JARID2: variants seen among roughly 807,000 people sequenced by gnomAD.
The protein encoded by JARID2 is jumonji and AT-rich interaction domain containing 2.
JARID2 carries 21 observed loss-of-function variants against 125.6 expected under a neutral mutation model. The ratio of observed to expected loss-of-function variants is 0.17; its 90% CI spans 0.12 to 0.24. The LOEUF is 0.24. JARID2 is among the 10% of genes least tolerant of loss of function. The probability of loss-of-function intolerance (pLI) is 1.00; values close to 1 mark genes in which losing one functional copy is unlikely to be tolerated. For synonymous variants in JARID2, 736 were observed against 661.6 expected (o/e 1.11, Z -1.73); for missense variants, 1,303 against 1,639.6 (o/e 0.79, Z 3.55).
intron 1 of JARID2, among the ~76,000 whole-genome samples, chr6:15,369,738 G>A (rs1224075928): frequency 2.6e-5 from 4 of 152,236 alleles, no homozygotes; most frequent in Non-Finnish European, 1.5e-5. Context: ...AGGAGAAAGA[G>A]TCTGAACAGA....
chr6:15,302,536 G>C (rs1003516503), intron 1 of JARID2, among the ~76,000 whole-genome samples: 2 of 152,102 alleles, frequency 1.3e-5, no homozygotes, highest in Non-Finnish European at 2.9e-5. Flanking sequence ...ATTGATTGTG[G>C]TCACTGTACT....
At chr6:15,405,349 T>C (rs1477166455) in intron 2 of JARID2, among the ~76,000 whole-genome samples, 2 of 152,216 alleles carry the variant, frequency 1.3e-5, no homozygotes, top group African/African-American at 4.8e-5. Flanking sequence ...GTTCAATTTC[T>C]TTAGAGTTCT....
chr6:15,305,689 G>C (rs1761795328), intron 1 of JARID2, among the ~76,000 whole-genome samples: 1 of 152,240 alleles, frequency 6.6e-6, no homozygotes, highest in African/African-American at 2.4e-5. Flanking sequence ...AAAATAAATG[G>C]AGTTCAAGGG....
At chr6:15,409,173 C>G (rs1335196140) in intron 2 of JARID2, among the ~76,000 whole-genome samples, 1 of 152,096 alleles carries the variant, frequency 6.6e-6, no homozygotes, top group Non-Finnish European at 1.5e-5. Context: ...GTACAACTAA[C>G]AGAAGTCACT....
At chr6:15,275,673 G>C (rs1760477815) in intron 1 of JARID2, among the ~76,000 whole-genome samples, 1 of 151,918 alleles carries the variant, frequency 6.6e-6, no homozygotes, top group Non-Finnish European at 1.5e-5. Context: ...ATTAAATAGT[G>C]AATTTAACAG....
At chr6:15,399,351 T>C (rs969678522) in intron 2 of JARID2, among the ~76,000 whole-genome samples, 3 of 152,260 alleles carry the variant, frequency 2.0e-5, no homozygotes, top group African/African-American at 7.2e-5. Context: ...GAGACAAACT[T>C]GTTTTTAGCC....
At chr6:15,271,013 G>A (rs1239548767) in intron 1 of JARID2, among the ~76,000 whole-genome samples, 1 of 152,064 alleles carries the variant, frequency 6.6e-6, no homozygotes, top group Non-Finnish European at 1.5e-5. Context: ...TCCCACAGTT[G>A]TTTTCCTTAG....
intron 1 of JARID2, among the ~76,000 whole-genome samples, chr6:15,260,764 A>G (rs947760597): frequency 2.6e-5 from 4 of 152,220 alleles, no homozygotes; most frequent in African/African-American, 9.6e-5. Context: ...GTAAGCTGGA[A>G]AGCATTGGGA....
chr6:15,272,219 G>A lies in JARID2; in HGVS notation c.45+25635G>A, dbSNP rs528210562. On this transcript the variant is annotated intron_variant, in intron 1 of 17. Coordinates refer to ENST00000341776, the MANE Select transcript of JARID2 (RefSeq NM_004973.4). ...GCTTGAAAATGCATCTTTTGGCCCC[G>A]TGGCCCTCTATGTTGTCCTTTCTGA... Among the ~76,000 whole-genome samples the A allele has an allele frequency of 7.9e-5, 12 of 152,336 alleles. No homozygotes were observed. The South Asian group carries it at 1.0e-3, about 13-fold the overall frequency.
rs1394387722 is a variant in JARID2 at position 15,501,258 on chromosome 6, C to A, written c.2297C>A (p.Pro766His). 1.9e-6 allele frequency: 3 copies of A among 1,613,704 alleles called. No individual in the cohort carries two copies. The highest frequency in any genetic ancestry group is 1.7e-4 in the Middle Eastern group (1 of 6,060). ...AATGGGCTCATCCACGGCGTGGCCC[C>A]CAGGAACGGCTTCCGCAGCAAGCTC... ...PKNGLIHGVA[P>H]RNGFRSKLKE... is the part of the protein sequence containing the mutation. The change falls in exon 8 of 18, where the codon CCC becomes CAC. Residue 766 changes from proline (P) to histidine (H), a missense_variant. Physicochemically the swap from Pro to His is moderately conservative, Grantham distance 77 (BLOSUM62 -2). Transcript: ENST00000341776.
intron 3 of JARID2, among the ~76,000 whole-genome samples, chr6:15,429,783 C>T (rs1294502856): frequency 2.0e-5 from 3 of 151,994 alleles, no homozygotes; most frequent in African/African-American, 4.8e-5. Flanking sequence ...TGTCTCCGGC[C>T]CTGCGAGAGA....
At chr6:15,448,005 A>T (rs1767748977) in intron 3 of JARID2, among the ~76,000 whole-genome samples, 1 of 152,162 alleles carries the variant, frequency 6.6e-6, no homozygotes. Flanking sequence ...GTGCCATTCA[A>T]GCTCTTTGGT....
intron 3 of JARID2, among the ~76,000 whole-genome samples, chr6:15,432,053 G>C (rs1766986804): frequency 6.6e-6 from 1 of 151,942 alleles, no homozygotes; most frequent in Non-Finnish European, 1.5e-5. Context: ...AGGGTGTCCA[G>C]GTTCTTGGCG....
At chr6:15,351,975 A>T (rs1260080581) in intron 1 of JARID2, among the ~76,000 whole-genome samples, 1 of 152,160 alleles carries the variant, frequency 6.6e-6, no homozygotes. Context: ...TATCCTTTTA[A>T]AAAAGGATAA....
chr6:15,273,714 A>G (rs1442510283), intron 1 of JARID2, among the ~76,000 whole-genome samples: 1 of 152,280 alleles, frequency 6.6e-6, no homozygotes, highest in South Asian at 2.1e-4. Flanking sequence ...AAAACAAACA[A>G]ACAAGCAAAC....
chr6:15,315,961 A>T (rs1029335718), intron 1 of JARID2, among the ~76,000 whole-genome samples: 1 of 152,118 alleles, frequency 6.6e-6, no homozygotes, highest in African/African-American at 2.4e-5. Flanking sequence ...GACTGAGGGC[A>T]TAAGCTGGAA....
intron 13 of JARID2, 122 bp downstream of exon 13, chr6:15,511,523 T>C (rs1771278567): frequency 1.4e-6 from 1 of 692,990 alleles, no homozygotes; most frequent in South Asian, 1.6e-5. Context: ...ATCCCCAGGG[T>C]GCAAAGGGAA....
At chr6:15,466,993 C>T (rs1366413458) in intron 4 of JARID2, among the ~76,000 whole-genome samples, 1 of 152,220 alleles carries the variant, frequency 6.6e-6, no homozygotes, top group Non-Finnish European at 1.5e-5. Context: ...CTTCTGTCTA[C>T]AGAGGGTCTT....
intron 3 of JARID2, among the ~76,000 whole-genome samples, chr6:15,429,392 A>C (rs1766876434): frequency 1.3e-5 from 2 of 151,750 alleles, no homozygotes; most frequent in Admixed American, 6.6e-5. Context: ...CAGCCTCCTG[A>C]GTATCTGGGA....
Sources: allele counts gnomAD v4.1 joint callset (sites outside exome capture counted in the v4.1 genomes callset), GRCh38; gene constraint gnomAD v4.1.1; transcripts MANE v1.5; gene names NCBI Gene and HGNC (gene_info 2026-07-23, HGNC 2026-07-21).